Variants in C1orf87 observed in about 807,000 individuals in gnomAD.
C1orf87 encodes the protein uncharacterized protein C1orf87.
A neutral mutation model predicts 60.5 loss-of-function variants in C1orf87; 58 were observed. That is an observed-to-expected ratio of 0.96 (90% CI 0.78 to 1.19). The LOEUF (loss-of-function observed/expected upper bound fraction) is 1.19, where lower values mean the gene tolerates loss of function less well. C1orf87 is among the 50% of genes most tolerant of loss of function. C1orf87 has a pLI of 0.00. For synonymous variants in C1orf87, 236 were observed against 227.4 expected (o/e 1.04, Z -0.34); for missense variants, 673 against 638.6 (o/e 1.05, Z -0.58).
intron 8 of C1orf87, among the ~76,000 whole-genome samples, chr1:60,022,252 A>T (rs1330127864): frequency 6.6e-6 from 1 of 152,096 alleles, no homozygotes; most frequent in Non-Finnish European, 1.5e-5. Flanking sequence ...TAAGAGTAGA[A>T]ACAGAGTTCA....
chr1:60,072,942 A>G (rs1645594165), intron 1 of C1orf87, among the ~76,000 whole-genome samples: 1 of 152,164 alleles, frequency 6.6e-6, no homozygotes, highest in African/African-American at 2.4e-5. Flanking sequence ...AATCTCACCT[A>G]AGAGGTCTGT....
intron 9 of C1orf87, among the ~76,000 whole-genome samples, chr1:60,006,567 C>A (rs572595858): frequency 6.6e-6 from 1 of 152,010 alleles, no homozygotes; most frequent in Admixed American, 6.6e-5. Context: ...CCCTTGTCAG[C>A]AGTCATACTG....
At chr1:60,043,280 G>A (rs1441104024) in intron 3 of C1orf87, among the ~76,000 whole-genome samples, 1 of 152,148 alleles carries the variant, frequency 6.6e-6, no homozygotes, top group Non-Finnish European at 1.5e-5. Flanking sequence ...GACTAGAGCA[G>A]ACTTGTCCAA....
At chr1:60,059,979 G>T (rs1557479779) in intron 2 of C1orf87, among the ~76,000 whole-genome samples, 1 of 151,962 alleles carries the variant, frequency 6.6e-6, no homozygotes, top group Non-Finnish European at 1.5e-5. Flanking sequence ...AATGGGAGGG[G>T]AGTACAGCTG....
intron 2 of C1orf87, among the ~76,000 whole-genome samples, chr1:60,060,619 T>G (rs955137026): frequency 2.0e-5 from 3 of 152,258 alleles, no homozygotes; most frequent in Non-Finnish European, 4.4e-5. Context: ...AAAAGAGAGA[T>G]AATTAATGCA....
intron 9 of C1orf87, chr1:60,008,566 G>A: frequency 3.5e-6 from 1 of 285,432 alleles, no homozygotes; most frequent in Non-Finnish European, 7.1e-6. Flanking sequence ...GTCCTTACAA[G>A]AAGAGGAAAT....
chr1:60,041,653 A>G (rs1213717440), intron 3 of C1orf87, among the ~76,000 whole-genome samples: 2 of 152,166 alleles, frequency 1.3e-5, no homozygotes, highest in Admixed American at 6.5e-5. Flanking sequence ...GGAGCATGGT[A>G]TATTAATTGT....
rs200965622 is a variant in C1orf87, at chr1:59,990,640, G to T, written c.*33C>A. 1 of 1,606,334 alleles carries T rather than the reference G, an allele frequency of 6.2e-7. No individual in the cohort carries two copies. The highest frequency in any genetic ancestry group is 8.5e-7 in the Non-Finnish European group (1 of 1,174,608). Reference sequence around the variant, plus strand: ...GTGTCTGGGTAAAAAGGGAGATAAGGGAAACATCTGTTCTCACAATATGGG... The same window carrying T: ...GTGTCTGGGTAAAAAGGGAGATAAGTGAAACATCTGTTCTCACAATATGGG... On this transcript the variant is annotated 3_prime_UTR_variant, in exon 12 of 12. Transcript: ENST00000371201.
chr1:60,019,220 A>G (rs1312473213), intron 8 of C1orf87, among the ~76,000 whole-genome samples: 1 of 152,114 alleles, frequency 6.6e-6, no homozygotes, highest in Admixed American at 6.5e-5. Context: ...AGTTTTCACG[A>G]GATCTGATAG....
At chr1:59,990,877 GAGGGAAAAC>G in intron 11 of C1orf87, 44 bp from the exon 12 acceptor site, 1 of 1,583,936 alleles carries the variant, frequency 6.3e-7, no homozygotes, top group East Asian at 2.2e-5. Flanking sequence ...AAAGAGGATG[GAGGGAAAAC>G]AGAGAAAACT....
intron 8 of C1orf87, among the ~76,000 whole-genome samples, chr1:60,011,811 C>A (rs1036202067): frequency 6.6e-6 from 1 of 152,048 alleles, no homozygotes; most frequent in Admixed American, 6.6e-5. Flanking sequence ...TATGACATAA[C>A]ATTTAGAGAA....
intron 2 of C1orf87, among the ~76,000 whole-genome samples, chr1:60,064,852 AT>A (rs1645530118): frequency 1.1e-5 from 1 of 90,600 alleles, no homozygotes; most frequent in Non-Finnish European, 2.0e-5. Flanking sequence ...ATATATTTAT[AT>A]ATTTATTATA....
chr1:60,010,255 TCACTGGG>T, intron 9 of C1orf87, 130 bp downstream of exon 9: 1 of 782,602 alleles, frequency 1.3e-6, no homozygotes, highest in Non-Finnish European at 2.1e-6. Flanking sequence ...CATTTTTCCT[TCACTGGG>T]GAGCTATTTA....
At chr1:60,046,836 G>GT (rs1645375631) in intron 3 of C1orf87, among the ~76,000 whole-genome samples, 2 of 152,142 alleles carry the variant, frequency 1.3e-5, no homozygotes, top group Non-Finnish European at 1.5e-5. Context: ...GAACTGTAGA[G>GT]TTTTACACAG....
rs116178887 is a variant in C1orf87 at position 60,071,519 on chromosome 1, C to T, written c.107+1018G>A. On this transcript the variant is annotated intron_variant, in intron 2 of 11. Transcript: ENST00000371201. ...AGTTCCTGTGCAGTGGCAGACATTACTAACTGATTATAGCAGTCACTTTGG... is the reference window on the plus strand; with the variant it reads ...AGTTCCTGTGCAGTGGCAGACATTATTAACTGATTATAGCAGTCACTTTGG... Among the ~76,000 whole-genome samples, 208 of 152,338 alleles carry T rather than the reference C, an allele frequency of 1.4e-3. 1 individual carries two copies. Among genetic ancestry groups the T allele is most frequent in the Non-Finnish European group, 2.4e-3 (162 of 68,028 alleles).
chr1:60,049,393 A>G (rs1645396772), intron 3 of C1orf87, among the ~76,000 whole-genome samples: 1 of 152,038 alleles, frequency 6.6e-6, no homozygotes, highest in Non-Finnish European at 1.5e-5. Context: ...GAACATTTAC[A>G]TTTGTTTTTC....
At chr1:60,049,818 C>T (rs1267926804) in intron 3 of C1orf87, among the ~76,000 whole-genome samples, 5 of 152,102 alleles carry the variant, frequency 3.3e-5, no homozygotes, top group Admixed American at 6.5e-5. Flanking sequence ...CAACTTAAAA[C>T]TTCTCTATAG....
chr1:60,070,510 C>G (rs1054257914), intron 2 of C1orf87, among the ~76,000 whole-genome samples: 1 of 152,150 alleles, frequency 6.6e-6, no homozygotes, highest in South Asian at 2.1e-4. Context: ...ATGATAGTGG[C>G]GGCACTTTCC....
At chr1:60,010,312 C>G (rs1645074381) in intron 9 of C1orf87, 80 bp downstream of exon 9, 3 of 1,261,192 alleles carry the variant, frequency 2.4e-6, no homozygotes, top group Non-Finnish European at 3.4e-6. Flanking sequence ...ACAAGCAAAC[C>G]ACTCAAACTA....
Sources: gnomAD v4.1 joint callset for allele counts (sites outside exome capture counted in the v4.1 genomes callset) on GRCh38, gnomAD v4.1.1 for gene constraint, MANE v1.5 for transcripts, NCBI Gene and HGNC (gene_info 2026-07-23, HGNC 2026-07-21) for gene names.